The following SKAP1 variants were observed in gnomAD, a reference collection of about 807,000 sequenced individuals.
SKAP1 encodes src kinase associated phosphoprotein 1.
In SKAP1, 44 loss-of-function variants were observed where a neutral mutation model predicts 58.5. That is an observed-to-expected ratio of 0.75 (90% CI 0.59 to 0.97). The LOEUF (loss-of-function observed/expected upper bound fraction) is 0.97. Among genes scored for constraint, SKAP1 ranks in the 50% least tolerant of loss-of-function variants. The pLI is 0.00. For synonymous variants in SKAP1, 127 were observed against 149.7 expected, an observed-to-expected ratio of 0.85 and a Z score of 1.11; for missense variants, 390 against 435.2, an observed-to-expected ratio of 0.90 and a Z score of 0.92.
At chr17:48,302,902 G>T (rs1029631913) in intron 4 of SKAP1, among the ~76,000 whole-genome samples, 2 of 152,158 alleles carry the variant, frequency 1.3e-5, no homozygotes, top group African/African-American at 4.8e-5. Context: ...GACTGGTAGT[G>T]ATTTGAAGAA....
intron 4 of SKAP1, among the ~76,000 whole-genome samples, chr17:48,345,670 C>T (rs2144328327): frequency 6.6e-6 from 1 of 152,306 alleles, no homozygotes; most frequent in East Asian, 1.9e-4. Flanking sequence ...ATGATGTCTT[C>T]CTGTTCCAAT....
chr17:48,295,214 C>T (rs1340518416), intron 4 of SKAP1, among the ~76,000 whole-genome samples: 1 of 152,160 alleles, frequency 6.6e-6, no homozygotes, highest in Non-Finnish European at 1.5e-5. Context: ...AGATCACAGT[C>T]AAGTTCAGCA....
intron 4 of SKAP1, among the ~76,000 whole-genome samples, chr17:48,216,469 A>G (rs1474695058): frequency 6.6e-6 from 1 of 151,854 alleles, no homozygotes; most frequent in Non-Finnish European, 1.5e-5. Flanking sequence ...TCCACTTTGC[A>G]CAAGCACCCA....
intron 1 of SKAP1, among the ~76,000 whole-genome samples, chr17:48,417,785 A>G (rs954142604): frequency 6.6e-6 from 1 of 151,984 alleles, no homozygotes; most frequent in Non-Finnish European, 1.5e-5. Context: ...CTGCATATGT[A>G]CACTAAGATA....
chr17:48,167,927 A>G (rs1287336382), intron 10 of SKAP1, among the ~76,000 whole-genome samples: 2 of 152,210 alleles, frequency 1.3e-5, no homozygotes, highest in Non-Finnish European at 2.9e-5. Flanking sequence ...ATGTTAGACT[A>G]CTGGGCTGAT....
At chr17:48,154,271 G>A (rs558144025) in intron 11 of SKAP1, among the ~76,000 whole-genome samples, 3 of 152,338 alleles carry the variant, frequency 2.0e-5, no homozygotes, top group African/African-American at 7.2e-5. Context: ...GCAGTCCAGG[G>A]TGACAAAGTC....
At chr17:48,250,439 C>T (rs768408789) in intron 4 of SKAP1, among the ~76,000 whole-genome samples, 214 of 151,342 alleles carry the variant, frequency 1.4e-3, no homozygotes, top group East Asian at 4.4e-3. Flanking sequence ...TGCACCACCG[C>T]GCCCAGCTAA....
At chr17:48,164,208 T>G (rs191718490) in intron 10 of SKAP1, among the ~76,000 whole-genome samples, 104 of 152,380 alleles carry the variant, frequency 6.8e-4, no homozygotes, top group Non-Finnish European at 1.4e-3. Flanking sequence ...GGATATATTA[T>G]GAATTTTCCA....
intron 4 of SKAP1, among the ~76,000 whole-genome samples, chr17:48,256,330 G>A (rs891929942): frequency 6.6e-6 from 1 of 151,998 alleles, no homozygotes; most frequent in Non-Finnish European, 1.5e-5. Flanking sequence ...TGAAAAAATT[G>A]TTAATTATAA....
At chr17:48,319,814 C>G (rs529104494) in intron 4 of SKAP1, among the ~76,000 whole-genome samples, 98 of 152,254 alleles carry the variant, frequency 6.4e-4, no homozygotes, top group African/African-American at 2.3e-3. Context: ...TGCATTCCAG[C>G]CTGGGTGACA....
intron 9 of SKAP1, among the ~76,000 whole-genome samples, chr17:48,173,768 TC>T (rs1285653650): frequency 2.0e-5 from 3 of 152,166 alleles, no homozygotes; most frequent in Non-Finnish European, 4.4e-5. Context: ...ACAAATTGGA[TC>T]CGAAGTTGGA....
intron 2 of SKAP1, among the ~76,000 whole-genome samples, chr17:48,378,059 C>T (rs1483465730): frequency 6.6e-6 from 1 of 152,104 alleles, no homozygotes; most frequent in Non-Finnish European, 1.5e-5. Flanking sequence ...CCATTAGTCA[C>T]CAAGACCTGT....
At chr17:48,264,457 T>C (rs1567843944) in intron 4 of SKAP1, among the ~76,000 whole-genome samples, 1 of 152,184 alleles carries the variant, frequency 6.6e-6, no homozygotes, top group African/African-American at 2.4e-5. Flanking sequence ...TTGGTATGCA[T>C]GTGTTTTGAT....
chr17:48,226,369 A>G (rs1256437720), intron 4 of SKAP1, among the ~76,000 whole-genome samples: 3 of 152,116 alleles, frequency 2.0e-5, no homozygotes, highest in Non-Finnish European at 4.4e-5. Flanking sequence ...CTTCTTAATC[A>G]TAAATCAGAA....
At chr17:48,166,832 T>C (rs185138902) in intron 10 of SKAP1, among the ~76,000 whole-genome samples, 5 of 152,154 alleles carry the variant, frequency 3.3e-5, no homozygotes, top group African/African-American at 1.2e-4. Flanking sequence ...AGGTCTAACA[T>C]GTTGAGTTCA....
intron 4 of SKAP1, among the ~76,000 whole-genome samples, chr17:48,216,484 T>G (rs139006015): frequency 1.3e-5 from 2 of 150,234 alleles, no homozygotes; most frequent in Non-Finnish European, 2.9e-5. Flanking sequence ...CACCCAATAC[T>G]GTGAATATAC....
At chr17:48,278,838 G>A (rs2065733683) in intron 4 of SKAP1, among the ~76,000 whole-genome samples, 1 of 152,062 alleles carries the variant, frequency 6.6e-6, no homozygotes, top group African/African-American at 2.4e-5. Context: ...TATTGAGTCA[G>A]GTACTGGAAA....
chr17:48,323,392 G>A (rs2066393806), intron 4 of SKAP1, among the ~76,000 whole-genome samples: 2 of 151,846 alleles, frequency 1.3e-5, no homozygotes, highest in South Asian at 4.2e-4. Flanking sequence ...TATATTTAAT[G>A]GATTATGGAA....
intron 4 of SKAP1, among the ~76,000 whole-genome samples, chr17:48,286,203 A>G (rs1296337718): frequency 6.6e-6 from 1 of 152,250 alleles, no homozygotes; most frequent in Non-Finnish European, 1.5e-5. Flanking sequence ...GATCTGCTGT[A>G]TAAGACTAAA....
Sources: gnomAD v4.1 joint callset for allele counts (sites outside exome capture counted in the v4.1 genomes callset) on GRCh38, gnomAD v4.1.1 for gene constraint, MANE v1.5 for transcripts, NCBI Gene and HGNC (gene_info 2026-07-23, HGNC 2026-07-21) for gene names.